CTNNA3: variants seen among roughly 807,000 people sequenced by gnomAD.
The protein encoded by CTNNA3 is catenin alpha 3, also known as catenin alpha-3.
Under a neutral mutation model 95.7 loss-of-function variants are expected in CTNNA3, and 76 were observed. The ratio of observed to expected loss-of-function variants is 0.79; its 90% CI spans 0.66 to 0.96. The LOEUF (loss-of-function observed/expected upper bound fraction) is 0.96. Among genes scored for constraint, CTNNA3 ranks in the 40% least tolerant of loss-of-function variants. The pLI, the probability that CTNNA3 is intolerant of heterozygous loss-of-function variation, is 0.00. For synonymous variants in CTNNA3, 431 were observed against 374.4 expected, an observed-to-expected ratio of 1.15 and a Z score of -1.74; for missense variants, 1,191 against 1,089.8, an observed-to-expected ratio of 1.09 and a Z score of -1.31.
At chr10:66,360,596 CTTCT>C (rs869161944) in intron 12 of CTNNA3, among the ~76,000 whole-genome samples, 1,516 of 93,848 alleles carry the variant, frequency 0.016, 52 homozygotes, top group Middle Eastern at 0.031. Context: ...GTATTCTTTC[CTTCT>C]TTCTTTCTTT....
At chr10:66,251,711 G>A (rs770327691) in intron 13 of CTNNA3, among the ~76,000 whole-genome samples, 1 of 152,218 alleles carries the variant, frequency 6.6e-6, no homozygotes, top group Non-Finnish European at 1.5e-5. Flanking sequence ...AATATAAGAA[G>A]TGCTAATTAC....
At chr10:66,339,054 TG>T (rs2092426288) in intron 12 of CTNNA3, among the ~76,000 whole-genome samples, 1 of 151,886 alleles carries the variant, frequency 6.6e-6, no homozygotes, top group African/African-American at 2.4e-5. Flanking sequence ...TATCTTCATC[TG>T]TAAAGGCGAT....
chr10:67,059,238 TC>T (rs753017956), intron 7 of CTNNA3, among the ~76,000 whole-genome samples: 17 of 152,180 alleles, frequency 1.1e-4, no homozygotes, highest in Non-Finnish European at 1.8e-4. Context: ...ATCACCATTT[TC>T]CAAAAATAAA....
chr10:66,891,141 T>A (rs1845253439), intron 7 of CTNNA3, among the ~76,000 whole-genome samples: 1 of 152,194 alleles, frequency 6.6e-6, no homozygotes, highest in African/African-American at 2.4e-5. Flanking sequence ...CCCACTGTAA[T>A]CAGTATTTCT....
intron 15 of CTNNA3, among the ~76,000 whole-genome samples, chr10:66,005,608 C>T (rs1564572265): frequency 6.6e-6 from 1 of 152,072 alleles, no homozygotes; most frequent in Non-Finnish European, 1.5e-5. Context: ...TGGTGCTACT[C>T]TCCTTCCCCG....
At chr10:66,332,658 T>A (rs1722093426) in intron 12 of CTNNA3, among the ~76,000 whole-genome samples, 2 of 152,116 alleles carry the variant, frequency 1.3e-5, no homozygotes, top group African/African-American at 4.8e-5. Flanking sequence ...TTTGCATCGA[T>A]GTTCATCAGG....
At chr10:67,429,937 G>A (rs554934225) in intron 5 of CTNNA3, among the ~76,000 whole-genome samples, 9 of 151,940 alleles carry the variant, frequency 5.9e-5, no homozygotes, top group East Asian at 3.9e-4. Flanking sequence ...TCTCTCACTC[G>A]ACACAAACCA....
chr10:67,568,232 GTT>G (rs61503691), intron 3 of CTNNA3, among the ~76,000 whole-genome samples: 4 of 145,378 alleles, frequency 2.8e-5, no homozygotes, highest in African/African-American at 5.0e-5. Context: ...GCTACAGACT[GTT>G]TTTTTTTTTG....
intron 5 of CTNNA3, among the ~76,000 whole-genome samples, chr10:67,482,332 C>A (rs950388850): frequency 6.6e-6 from 1 of 152,072 alleles, no homozygotes; most frequent in South Asian, 2.1e-4. Context: ...CTATAAATTA[C>A]CTTGGGCAGT....
chr10:66,080,929 G>A (rs1263350472), intron 14 of CTNNA3, among the ~76,000 whole-genome samples: 1 of 152,164 alleles, frequency 6.6e-6, no homozygotes, highest in Admixed American at 6.6e-5. Context: ...GCTTAAGAAA[G>A]ATATTATATT....
chr10:67,480,984 T>C (rs781407793), intron 5 of CTNNA3, among the ~76,000 whole-genome samples: 41 of 152,196 alleles, frequency 2.7e-4, no homozygotes, highest in Non-Finnish European at 5.6e-4. Context: ...AGGCCTAGTT[T>C]GTTAGGAGTT....
At position 67,310,336 on chromosome 10, in the gene CTNNA3, T is replaced by C. The variant is rs1317047946; in HGVS notation, c.580-90466A>G. 7.9e-5 allele frequency among the ~76,000 whole-genome samples: 12 copies of C among 152,140 alleles called. No homozygotes were observed. In the East Asian group the frequency reaches 2.3e-3, roughly 29 times the overall value. ...CCTAAGTAATTCCCTCCTACTTCCATAAATAAAACAAGGAAAGTAAACAGC... is the reference window on the plus strand; with the variant it reads ...CCTAAGTAATTCCCTCCTACTTCCACAAATAAAACAAGGAAAGTAAACAGC... On this transcript the variant is annotated intron_variant, in intron 5 of 17. Transcript: ENST00000433211.
At chr10:67,425,727 C>T (rs2132880218) in intron 5 of CTNNA3, among the ~76,000 whole-genome samples, 1 of 152,114 alleles carries the variant, frequency 6.6e-6, no homozygotes, top group South Asian at 2.1e-4. Flanking sequence ...TGAGATGAAT[C>T]ACAGAGGGGT....
chr10:66,153,094 C>G (rs2084287840), intron 13 of CTNNA3, among the ~76,000 whole-genome samples: 1 of 151,952 alleles, frequency 6.6e-6, no homozygotes, highest in East Asian at 1.9e-4. Flanking sequence ...CTTCATTCTT[C>G]TATAAAGCCC....
At chr10:65,941,907 G>A (rs1328368836) in intron 17 of CTNNA3, among the ~76,000 whole-genome samples, 5 of 152,158 alleles carry the variant, frequency 3.3e-5, no homozygotes, top group Admixed American at 3.3e-4. Context: ...CCTTGTGTAT[G>A]TCTTATTTCT....
chr10:67,477,656 C>T (rs985173793), intron 5 of CTNNA3, among the ~76,000 whole-genome samples: 2 of 152,046 alleles, frequency 1.3e-5, no homozygotes, highest in Non-Finnish European at 2.9e-5. Flanking sequence ...GGAGAGAAAA[C>T]AATATTACAA....
rs190998307 is a variant in CTNNA3 at position 66,443,834 on chromosome 10, G to C, written c.1532-64482C>G. Among the ~76,000 whole-genome samples the C allele has an allele frequency of 2.0e-4, 30 of 152,324 alleles. No individual in the cohort carries two copies. The East Asian group carries it at 3.7e-3, about 19-fold the overall frequency. On this transcript the variant is annotated intron_variant, in intron 11 of 17. Coordinates refer to ENST00000433211, the MANE Select transcript of CTNNA3 (RefSeq NM_013266.4). ...ACAAAGCTGGACGGAGAATGACATTGATGAGTTGAGAGAAGAAGGCTTCAG... is the reference window on the plus strand; with the variant it reads ...ACAAAGCTGGACGGAGAATGACATTCATGAGTTGAGAGAAGAAGGCTTCAG...
intron 1 of CTNNA3, among the ~76,000 whole-genome samples, chr10:67,713,750 A>C (rs1369114757): frequency 6.6e-6 from 1 of 152,310 alleles, no homozygotes; most frequent in African/African-American, 2.4e-5. Context: ...ATAGATGGAC[A>C]TAGGGAAGGG....
intron 7 of CTNNA3, among the ~76,000 whole-genome samples, chr10:67,004,585 C>T (rs1851868858): frequency 6.6e-6 from 1 of 151,994 alleles, no homozygotes; most frequent in Admixed American, 6.6e-5. Context: ...TTGCCTGTAA[C>T]CTTGATCCGT....
Sources: gnomAD v4.1 joint callset for allele counts (sites outside exome capture counted in the v4.1 genomes callset) on GRCh38, gnomAD v4.1.1 for gene constraint, MANE v1.5 for transcripts, NCBI Gene and HGNC (gene_info 2026-07-23, HGNC 2026-07-21) for gene names.